INSRR: variants seen among roughly 807,000 people sequenced by gnomAD.
INSRR encodes insulin receptor-related protein.
Under a neutral mutation model 130.0 loss-of-function variants are expected in INSRR, and 114 were observed. The observed-to-expected ratio is 0.88, with a 90% CI of 0.75 to 1.02. The LOEUF is 1.02. INSRR is among the 50% of genes least tolerant of loss of function. The pLI is 0.00. For synonymous variants in INSRR, 674 were observed against 705.2 expected (o/e 0.96, Z 0.70); for missense variants, 1,657 against 1,735.2 (o/e 0.95, Z 0.80).
At chr1:156,857,496 T>C (rs556988729) in intron 1 of INSRR, among the ~76,000 whole-genome samples, 17 of 152,234 alleles carry the variant, frequency 1.1e-4, no homozygotes, top group Admixed American at 8.5e-4. Context: ...CCTGAGCAAA[T>C]ACTAGCCCCT....
At position 156,842,159 on chromosome 1, in the gene INSRR, G is replaced by C. The variant is rs1307887055; in HGVS notation, c.3350C>G (p.Ala1117Gly). Reference protein sequence around the residue: ...AANKFVHRDLAARNCMVSQDF... With the variant: ...AANKFVHRDLGARNCMVSQDF... ...CTGGGACACCATGCAGTTGCGGGCT[G>C]CTAGATCTCGGTGCACAAACTTGTT... Residue 1117 changes from alanine (A) to glycine (G), a missense_variant, in exon 19 of 22, where the codon GCA becomes GGA. Transcript: ENST00000368195. The C allele has an allele frequency of 1.2e-6, 2 of 1,613,970 alleles. No homozygotes were observed. The highest frequency in any genetic ancestry group is 1.7e-6 in the Non-Finnish European group (2 of 1,180,002).
intron 5 of INSRR, among the ~76,000 whole-genome samples, chr1:156,850,896 T>C (rs1655182912): frequency 6.6e-6 from 1 of 152,174 alleles, no homozygotes; most frequent in Admixed American, 6.6e-5. Context: ...ACATTATAGG[T>C]AGGCCTTGAC....
At chr1:156,856,656 A>G (rs972193709) in intron 1 of INSRR, among the ~76,000 whole-genome samples, 2 of 152,062 alleles carry the variant, frequency 1.3e-5, no homozygotes, top group Non-Finnish European at 2.9e-5. Context: ...AAATTGTTGT[A>G]TACATCTCTG....
chr1:156,843,521 G>T, intron 15 of INSRR, 42 bp from the exon 16 acceptor site: 2 of 1,586,132 alleles, frequency 1.3e-6, no homozygotes, highest in East Asian at 2.2e-5. Context: ...AGGGTTCTCA[G>T]GAAGGAATGA....
At chr1:156,851,163 C>T in intron 5 of INSRR, 127 bp downstream of exon 5, 1 of 969,956 alleles carries the variant, frequency 1.0e-6, no homozygotes, top group Non-Finnish European at 1.7e-6. Context: ...GAGAAGTTAA[C>T]CTACTTAGAG....
intron 20 of INSRR, 33 bp from the exon 21 acceptor site, chr1:156,841,561 C>T (rs753787252): frequency 6.2e-7 from 1 of 1,613,872 alleles, no homozygotes; most frequent in East Asian, 2.2e-5. Context: ...GAGCCCAGCA[C>T]CCTTCGTGCT....
At position 156,845,277 on chromosome 1, in the gene INSRR, G is replaced by A. The variant is rs1654951561; in HGVS notation, c.2236C>T (p.Arg746Trp). The A allele has an allele frequency of 3.7e-6, 6 of 1,612,478 alleles. No individual in the cohort carries two copies. Among genetic ancestry groups the A allele is most frequent in the Middle Eastern group, 1.6e-4 (1 of 6,062 alleles). The change falls in exon 12 of 22, where the codon CGG becomes TGG. Residue 746 changes from arginine to tryptophan, a missense_variant. Arg to Trp is a moderately radical substitution (Grantham distance 101). Coordinates refer to ENST00000368195, the MANE Select transcript of INSRR (RefSeq NM_014215.3). ...SPQRDSGRHR[R>W]AAGPLRLGGN... ...CCCAGCCGGAGGGGCCCAGCTGCCC[G>A]GCGGTGCCGCCCTGAGTCCCTGGGG...
chr1:156,852,264 A>C, intron 2 of INSRR, 73 bp from the exon 3 acceptor site: 4 of 1,427,216 alleles, frequency 2.8e-6, no homozygotes, highest in Non-Finnish European at 2.8e-6. Flanking sequence ...TGCTGGCCCC[A>C]CCCTGTTTCT....
intron 2 of INSRR, among the ~76,000 whole-genome samples, chr1:156,853,263 C>T: frequency 6.6e-6 from 1 of 152,156 alleles, no homozygotes; most frequent in East Asian, 1.9e-4. Context: ...TGATTAGGAA[C>T]ATAGAACTGC....
chr1:156,841,434 C>T lies in INSRR; in HGVS notation c.3622G>A (p.Gly1208Ser). The T allele has an allele frequency of 1.9e-6, 3 of 1,613,964 alleles. No individual in the cohort carries two copies. Among genetic ancestry groups the T allele is most frequent in the Admixed American group, 1.7e-5 (1 of 60,014 alleles). Residue 1208 changes from glycine (G) to serine (S), a missense_variant, in exon 21 of 22, where the codon GGC becomes AGC. Gly to Ser is a moderately conservative substitution (Grantham distance 56). Coordinates refer to ENST00000368195, the MANE Select transcript of INSRR (RefSeq NM_014215.3). ...NEQVLKFVMD[G>S]GVLEELEGCP... Reference sequence around the variant, plus strand: ...CCCTCCAGCTCCTCCAGGACCCCGCCATCCATGACGAACTTCAGCACCTGC... The same window carrying T: ...CCCTCCAGCTCCTCCAGGACCCCGCTATCCATGACGAACTTCAGCACCTGC...
chr1:156,844,487 A>G lies in INSRR; in HGVS notation c.2712T>C (p.Ser904=). ...SLAGNGSWTD[S]VAFYILGPEE... ...CTGGGCCAAGGATGTAGAAGGCAACACTGTCTGTCCAAGAGCCATTGCCAG... is the reference window on the plus strand; with the variant it reads ...CTGGGCCAAGGATGTAGAAGGCAACGCTGTCTGTCCAAGAGCCATTGCCAG... Residue 904 remains serine, a synonymous_variant, in exon 14 of 22, where the codon AGT becomes AGC. Coordinates refer to ENST00000368195, the MANE Select transcript of INSRR (RefSeq NM_014215.3). 6.2e-7 allele frequency: 1 copy of G among 1,614,078 alleles called. No individual in the cohort carries two copies. Among genetic ancestry groups the G allele is most frequent in the East Asian group, 2.2e-5 (1 of 44,890 alleles).
rs1343297788 is a variant in INSRR at position 156,858,608 on chromosome 1, C to T, written c.14G>A (p.Ser5Asn). 1 of 1,614,060 alleles carries T rather than the reference C, an allele frequency of 6.2e-7. No homozygotes were observed. The highest frequency in any genetic ancestry group is 8.5e-7 in the Non-Finnish European group (1 of 1,179,968). The change falls in exon 1 of 22, where the codon AGT (serine) becomes AAT (asparagine). Residue 5 changes from serine (S) to asparagine (N), a missense_variant. Ser to Asn is a conservative substitution (Grantham distance 46). Coordinates refer to ENST00000368195, the MANE Select transcript of INSRR (RefSeq NM_014215.3). ...CAGGCATGCTCCCCAGGGCCACAGACTAGGCACTGCCATTGTCCCAGCCCT... is the reference window on the plus strand; with the variant it reads ...CAGGCATGCTCCCCAGGGCCACAGATTAGGCACTGCCATTGTCCCAGCCCT... Reference protein sequence around the residue: MAVPSLWPWGACLPV... With the variant: MAVPNLWPWGACLPV...
In INSRR at chr1:156,843,102, C is replaced by T. The variant is rs776355999; in HGVS notation, c.3028G>A (p.Val1010Met). The T allele has an allele frequency of 6.0e-5, 97 of 1,614,056 alleles. 1 individual carries two copies. The highest frequency in any genetic ancestry group is 7.1e-5 in the Non-Finnish European group (84 of 1,180,042). The change falls in exon 17 of 22, where the codon GTG (valine) becomes ATG (methionine). Residue 1010 changes from valine (V) to methionine (M), a missense_variant. By Grantham distance (21) the Val-to-Met change is conservative. Transcript: ENST00000368195. ...GLEAGEESTPVALKTVNELAS... is the reference protein window; with the variant it reads ...GLEAGEESTPMALKTVNELAS... ...AGCTCATTCACCGTCTTCAGGGCCA[C>T]GGGTGTGGACTCCTCTCCAGCCTCA... is the stretch of plus-strand genomic sequence containing the variant.
rs747371183 is a variant in INSRR, at chr1:156,849,000, GGTCTGCCTCC to G, written c.1482_1491del (p.Glu495AlafsTer55). On this transcript the variant is annotated frameshift_variant, in exon 7 of 22. Transcript: ENST00000368195. LOFTEE classifies it high-confidence loss of function. ...TAGCGCTCCCAGCGTAGCAGGATGC[GGTCTGCCTCC>G]GTCACGTTGGACACGAAGCGCAGGG... 25 of 1,612,930 alleles carry G rather than the reference GGTCTGCCTCC, an allele frequency of 1.5e-5. No individual in the cohort carries two copies. The highest frequency in any genetic ancestry group is 2.0e-5 in the Non-Finnish European group (24 of 1,179,784).
At position 156,843,053 on chromosome 1, in the gene INSRR, T is replaced by C; in HGVS notation, c.3077A>G (p.Glu1026Gly). 1 of 1,614,172 alleles carries C rather than the reference T, an allele frequency of 6.2e-7. No homozygotes were observed. Among genetic ancestry groups the C allele is most frequent in the Non-Finnish European group, 8.5e-7 (1 of 1,180,026 alleles). Residue 1026 changes from glutamate to glycine, a missense_variant, in exon 17 of 22, where the codon GAG becomes GGG. Physicochemically the swap from Glu to Gly is moderately conservative, Grantham distance 98. Coordinates refer to ENST00000368195, the MANE Select transcript of INSRR (RefSeq NM_014215.3). ...NELASPRECIEFLKEASVMKA... is the reference protein window; with the variant it reads ...NELASPRECIGFLKEASVMKA... ...CATGACAGAAGCTTCCTTGAGGAAC[T>C]CAATGCATTCCCGTGGGCTGGCCAG...
chr1:156,845,482 C>T, intron 10 of INSRR, 69 bp from the exon 11 acceptor site: 1 of 1,512,356 alleles, frequency 6.6e-7, no homozygotes, highest in African/African-American at 1.4e-5. Flanking sequence ...CAGCGCGTAC[C>T]GCCTCCAAAA....
chr1:156,854,069 G>A lies in INSRR; in HGVS notation c.320C>T (p.Thr107Met), dbSNP rs768427831. ...CAGTGCATAGCCCAGGAAGAGGCGC[G>A]TCCCGCGGATGACTGCTAGGTTGGG... ...LFPNLAVIRGTRLFLGYALVI... is the reference protein window; with the variant it reads ...LFPNLAVIRGMRLFLGYALVI... The change falls in exon 2 of 22, where the codon ACG becomes ATG. Residue 107 changes from threonine (T) to methionine (M), a missense_variant. Coordinates refer to ENST00000368195, the MANE Select transcript of INSRR (RefSeq NM_014215.3). The surrounding 1 kb of genome is among the most constrained non-coding windows in gnomAD (Gnocchi z 4.2). 119 of 1,613,942 alleles carry A rather than the reference G, an allele frequency of 7.4e-5. No individual in the cohort carries two copies. The highest frequency in any genetic ancestry group is 6.3e-4 in the Admixed American group (38 of 60,012).
At chr1:156,856,109 A>G (rs1490718919) in intron 1 of INSRR, among the ~76,000 whole-genome samples, 1 of 152,134 alleles carries the variant, frequency 6.6e-6, no homozygotes, top group Non-Finnish European at 1.5e-5. Flanking sequence ...ATGCGTGGCC[A>G]TATATTTATT....
At chr1:156,848,158 G>A (rs751292778) in intron 7 of INSRR, among the ~76,000 whole-genome samples, 5 of 152,032 alleles carry the variant, frequency 3.3e-5, no homozygotes, top group Non-Finnish European at 5.9e-5. Flanking sequence ...GGAGGGTCTC[G>A]GCCATTTGAG....
Sources: gnomAD v4.1 joint callset for allele counts (sites outside exome capture counted in the v4.1 genomes callset) on GRCh38, gnomAD v4.1.1 for gene constraint, Gnocchi (gnomAD v3.1) non-coding constraint, MANE v1.5 for transcripts, NCBI Gene and HGNC (gene_info 2026-07-23, HGNC 2026-07-21) for gene names.